The following MYOF variants were observed in gnomAD, a reference collection of about 807,000 sequenced individuals.
MYOF encodes the protein myoferlin.
MYOF carries 244 observed loss-of-function variants against 284.2 expected under a neutral mutation model. The ratio of observed to expected loss-of-function variants is 0.86; its 90% CI spans 0.77 to 0.95. The LOEUF (loss-of-function observed/expected upper bound fraction) is 0.95, where lower values mean the gene tolerates loss of function less well. Ranked by LOEUF, MYOF falls within the 40% of genes least tolerant of loss-of-function variation. MYOF has a pLI of 0.00. For missense variants in MYOF, 2,496 were observed against 2,560.6 expected, an observed-to-expected ratio of 0.97 and a Z score of 0.54; for synonymous variants, 904 against 919.7, an observed-to-expected ratio of 0.98 and a Z score of 0.31.
chr10:93,308,618 G>A (rs1210025587), intron 53 of MYOF, among the ~76,000 whole-genome samples: 1 of 149,856 alleles, frequency 6.7e-6, no homozygotes, highest in Non-Finnish European at 1.5e-5. Flanking sequence ...GACCAGCTAC[G>A]ACTGTATAAT....
intron 42 of MYOF, 106 bp downstream of exon 42, chr10:93,333,652 C>T: frequency 7.1e-7 from 1 of 1,411,446 alleles, no homozygotes; most frequent in Non-Finnish European, 9.8e-7. Context: ...AGTATCTTTC[C>T]CCTAGTGAGA....
At chr10:93,338,219 A>G in intron 39 of MYOF, 2 of 476,242 alleles carry the variant, frequency 4.2e-6, no homozygotes, top group Non-Finnish European at 7.8e-6. Flanking sequence ...TTACATTTTT[A>G]TTCTATTGAC....
intron 5 of MYOF, among the ~76,000 whole-genome samples, chr10:93,421,881 G>A (rs1468320639): frequency 6.6e-6 from 1 of 151,668 alleles, no homozygotes; most frequent in South Asian, 2.1e-4. Flanking sequence ...CTATGTTAGG[G>A]AAAAGAAATG....
At chr10:93,453,223 T>G (rs980036922) in intron 2 of MYOF, among the ~76,000 whole-genome samples, 3 of 152,076 alleles carry the variant, frequency 2.0e-5, no homozygotes, top group African/African-American at 7.3e-5. Context: ...TAGAGTGCAG[T>G]GGCACAATTT....
At chr10:93,385,168 C>A (rs1032869248) in intron 19 of MYOF, among the ~76,000 whole-genome samples, 1 of 152,196 alleles carries the variant, frequency 6.6e-6, no homozygotes. Flanking sequence ...CAAGAACAGA[C>A]TCTTGATCCT....
chr10:93,410,171 T>C (rs148128442), intron 5 of MYOF, among the ~76,000 whole-genome samples: 188 of 152,282 alleles, frequency 1.2e-3, no homozygotes, highest in African/African-American at 4.2e-3. Context: ...GCTCGTGATC[T>C]ATTTGTACTG....
In MYOF at chr10:93,373,060, A is replaced by T. The variant is rs200816517; in HGVS notation, c.2327T>A (p.Ile776Asn). The change falls in exon 24 of 54, where the codon ATC (isoleucine) becomes AAC (asparagine). Residue 776 changes from isoleucine to asparagine, a missense_variant. This residue lies in a region of MYOF where 2,436 missense variants were observed against 2,480.7 expected (regional missense o/e 0.98). Coordinates refer to ENST00000359263, the MANE Select transcript of MYOF (RefSeq NM_013451.4). ...EEPQNSMPDIIIWMIRGEKRL... is the reference protein window; with the variant it reads ...EEPQNSMPDINIWMIRGEKRL... ...CTTCTCTCCCCGGATCATCCAGATG[A>T]TGATGTCAGGCATGCTGTTCTGTGG... The T allele has an allele frequency of 1.2e-5, 20 of 1,614,138 alleles. No individual in the cohort carries two copies. In the East Asian group the frequency reaches 4.5e-4, roughly 36 times the overall value.
intron 43 of MYOF, 96 bp from the exon 44 acceptor site, chr10:93,329,930 G>T: frequency 7.6e-7 from 1 of 1,308,236 alleles, no homozygotes; most frequent in Non-Finnish European, 1.1e-6. Flanking sequence ...GCTGTGTGTA[G>T]TATGGCTGCT....
chr10:93,369,614 GAAGAA>G, intron 25 of MYOF, 26 bp downstream of exon 25: 2 of 1,612,212 alleles, frequency 1.2e-6, no homozygotes, highest in Non-Finnish European at 1.7e-6. Context: ...CCCGACCAAA[GAAGAA>G]AAGATAGTGA....
intron 15 of MYOF, among the ~76,000 whole-genome samples, chr10:93,396,508 C>T (rs938001724): frequency 1.3e-5 from 2 of 152,122 alleles, no homozygotes; most frequent in African/African-American, 4.8e-5. Context: ...TACAGATGGT[C>T]CTCCAGTCAC....
chr10:93,363,914 G>A (rs768182424), intron 27 of MYOF, 47 bp downstream of exon 27: 4 of 1,569,030 alleles, frequency 2.5e-6, no homozygotes, highest in South Asian at 2.3e-5. Flanking sequence ...CGCAGATCAC[G>A]ATCAGAGGTG....
At chr10:93,406,288 T>TTTTATATATATATATATATATATATA (rs1271223936) in intron 7 of MYOF, among the ~76,000 whole-genome samples, 26 of 58,144 alleles carry the variant, frequency 4.5e-4, no homozygotes, top group African/African-American at 6.2e-4. Flanking sequence ...TAAACCTCTT[T>TTTTATATATATATATATATATATATA]TATATATATA....
At chr10:93,365,704 C>T (rs151246924) in intron 26 of MYOF, among the ~76,000 whole-genome samples, 213 of 152,270 alleles carry the variant, frequency 1.4e-3, no homozygotes, top group Non-Finnish European at 2.4e-3. Flanking sequence ...TGTGTTTCTG[C>T]GCATCTTGTG....
At chr10:93,413,515 G>A (rs17108647) in intron 5 of MYOF, among the ~76,000 whole-genome samples, 8,171 of 152,226 alleles carry the variant, frequency 0.054, 697 homozygotes, top group African/African-American at 0.18. Context: ...GGCCCTGTTC[G>A]TGAGACCCAG....
Position 93,404,144 on chromosome 10 carries a change from T to A in MYOF, c.792+13A>T, listed in dbSNP as rs753759229. On this transcript the variant is annotated intron_variant, in intron 8 of 53. Transcript: ENST00000359263. ...AGTGAGTGAGCAGTACCTTCCTACT[T>A]GCTGACCCTTACCCGGATGCTGATG... is the stretch of plus-strand genomic sequence containing the variant. The A allele has an allele frequency of 5.6e-6, 9 of 1,614,016 alleles. No homozygotes were observed. In the Admixed American group the frequency reaches 1.5e-4, roughly 27 times the overall value.
intron 1 of MYOF, 79 bp downstream of exon 1, chr10:93,482,028 G>T: frequency 1.5e-6 from 2 of 1,364,082 alleles, no homozygotes; most frequent in East Asian, 2.3e-5. Flanking sequence ...CTGTCTAAAT[G>T]CAGACTTTTC....
Position 93,323,133 on chromosome 10 carries a change from T to C in MYOF, c.5401A>G (p.Ile1801Val). The change falls in exon 48 of 54, where the codon ATC becomes GTC. Residue 1801 changes from isoleucine to valine, a missense_variant. By Grantham distance (29) the Ile-to-Val change is conservative. Coordinates refer to ENST00000359263, the MANE Select transcript of MYOF (RefSeq NM_013451.4). ...CCTGTGATGCTTTTCTCGTCCAAGA[T>C]AACGTCCTTGGTGTTCCAGATGATC... Reference protein sequence around the residue: ...RVIIWNTKDVILDEKSITGEE... With the variant: ...RVIIWNTKDVVLDEKSITGEE... 1 of 1,614,192 alleles carries C rather than the reference T, an allele frequency of 6.2e-7. No individual in the cohort carries two copies. The highest frequency in any genetic ancestry group is 8.5e-7 in the Non-Finnish European group (1 of 1,179,966).
intron 1 of MYOF, among the ~76,000 whole-genome samples, chr10:93,477,360 C>A (rs757964731): frequency 2.0e-5 from 3 of 151,738 alleles, no homozygotes; most frequent in Non-Finnish European, 4.4e-5. Flanking sequence ...GGTGTGGTGG[C>A]GCATGCCTGT....
Position 93,351,497 on chromosome 10 carries a change from G to A in MYOF, c.3738C>T (p.Pro1246=). The part of the protein sequence containing the change: ...VKLNSEMDIT[P]KLLWHPVMNG... ...TCATTACTGGGTGCCAGAGAAGTTTGGGTGTGATGTCCATTTCTGAGTTCA... is the reference window on the plus strand; with the variant it reads ...TCATTACTGGGTGCCAGAGAAGTTTAGGTGTGATGTCCATTTCTGAGTTCA... The change falls in exon 34 of 54, where the codon CCC becomes CCT. Residue 1246 remains proline, a synonymous_variant. Coordinates refer to ENST00000359263, the MANE Select transcript of MYOF (RefSeq NM_013451.4). The A allele has an allele frequency of 1.9e-6, 3 of 1,614,192 alleles. No individual in the cohort carries two copies. Among genetic ancestry groups the A allele is most frequent in the Non-Finnish European group, 2.5e-6 (3 of 1,180,032 alleles).
Sources: allele counts gnomAD v4.1 joint callset (sites outside exome capture counted in the v4.1 genomes callset), GRCh38; gene constraint gnomAD v4.1.1; regional missense constraint gnomAD v4.1.1; transcripts MANE v1.5; gene names NCBI Gene and HGNC (gene_info 2026-07-23, HGNC 2026-07-21).